CPVL: variants seen among roughly 807,000 people sequenced by gnomAD.
CPVL encodes the protein carboxypeptidase vitellogenic like, also known as probable serine carboxypeptidase CPVL.
CPVL carries 51 observed loss-of-function variants against 63.7 expected under a neutral mutation model. The observed-to-expected ratio is 0.80, with a 90% CI of 0.64 to 1.01. The LOEUF is 1.01. Among genes scored for constraint, CPVL ranks in the 50% least tolerant of loss-of-function variants. CPVL has a pLI of 0.00. For synonymous variants in CPVL, 195 were observed against 206.0 expected, an observed-to-expected ratio of 0.95 and a Z score of 0.46; for missense variants, 530 against 573.1, an observed-to-expected ratio of 0.92 and a Z score of 0.77.
intron 11 of CPVL, among the ~76,000 whole-genome samples, chr7:29,056,629 T>C (rs192641089): frequency 6.2e-4 from 94 of 152,358 alleles, no homozygotes; most frequent in Non-Finnish European, 1.2e-3. Context: ...TGAATAAAGC[T>C]GTTATAAATA....
intron 12 of CPVL, among the ~76,000 whole-genome samples, chr7:29,018,376 A>ATTTT (rs1583999212): frequency 8.3e-6 from 1 of 120,318 alleles, no homozygotes; most frequent in African/African-American, 3.7e-5. Context: ...AAAATTTTTA[A>ATTTT]TCTTTTTTTT....
intron 5 of CPVL, among the ~76,000 whole-genome samples, chr7:29,154,928 T>C (rs1794124697): frequency 6.6e-6 from 1 of 152,226 alleles, no homozygotes; most frequent in Admixed American, 6.5e-5. Flanking sequence ...TCCATGTGGC[T>C]GGGGAAGCCT....
chr7:29,147,404 G>T, upstream of CPVL: 1 of 158,788 alleles, frequency 6.3e-6, no homozygotes, highest in Non-Finnish European at 1.4e-5. Context: ...CAGCCAACCC[G>T]ACAGTCAGGG....
At chr7:28,997,202 G>A (rs757034714) in intron 12 of CPVL, among the ~76,000 whole-genome samples, 2 of 152,208 alleles carry the variant, frequency 1.3e-5, no homozygotes, top group Non-Finnish European at 2.9e-5. Context: ...CCTGGCCTGA[G>A]ATGTCTCGTT....
intron 1 of CPVL, among the ~76,000 whole-genome samples, chr7:29,131,406 G>C (rs1244492201): frequency 2.0e-5 from 3 of 152,298 alleles, no homozygotes; most frequent in Middle Eastern, 6.8e-3. Context: ...GATTCTAAAA[G>C]AGTGACTACT....
intron 1 of CPVL, among the ~76,000 whole-genome samples, chr7:29,145,651 G>A (rs577429763): frequency 6.6e-6 from 1 of 152,230 alleles, no homozygotes; most frequent in South Asian, 2.1e-4. Context: ...CCGTGCTAGG[G>A]AGGCATTTTC....
rs1310022804 is a variant in CPVL at position 28,996,529 on chromosome 7, T to TA, written c.1321-648dup. On this transcript the variant is annotated intron_variant, in intron 12 of 12. Transcript: ENST00000265394. Reference sequence around the variant, plus strand: ...GTTGACAGAATGAGACCCCATCTCTTAAAAAAAAAAACCAAAAAACAAAAA... The same window carrying TA: ...GTTGACAGAATGAGACCCCATCTCTTAAAAAAAAAAAACCAAAAAACAAAAA... Among the ~76,000 whole-genome samples, 234 of 105,928 alleles carry TA rather than the reference T, an allele frequency of 2.2e-3. 1 individual carries two copies. Among genetic ancestry groups the TA allele is most frequent in the East Asian group, 0.017 (59 of 3,532 alleles). 69.5% of individuals were successfully genotyped at this position (105,928 alleles called of 152,430 possible).
upstream of CPVL, chr7:29,195,326 G>C (rs1379002717): frequency 6.5e-6 from 2 of 308,210 alleles, no homozygotes; most frequent in Non-Finnish European, 1.2e-5. Flanking sequence ...TGGCGGGGCG[G>C]AGAAGGTTGG....
intron 5 of CPVL, among the ~76,000 whole-genome samples, chr7:29,179,951 T>G (rs552189124): frequency 2.6e-5 from 4 of 152,242 alleles, no homozygotes; most frequent in Non-Finnish European, 4.4e-5. Context: ...CTAAGCATTC[T>G]ATTGATCTTT....
chr7:29,080,736 A>G (rs1338642915), intron 7 of CPVL, among the ~76,000 whole-genome samples: 1 of 151,386 alleles, frequency 6.6e-6, no homozygotes, highest in African/African-American at 2.4e-5. Flanking sequence ...CACCTAACCC[A>G]ATGGGCCATG....
At chr7:29,169,492 A>G (rs1416954933) in intron 5 of CPVL, among the ~76,000 whole-genome samples, 1 of 152,238 alleles carries the variant, frequency 6.6e-6, no homozygotes, top group Non-Finnish European at 1.5e-5. Flanking sequence ...TGTTAAAAAT[A>G]AATACAACTG....
chr7:29,063,488 T>C (rs1782825895), intron 11 of CPVL, among the ~76,000 whole-genome samples: 1 of 152,222 alleles, frequency 6.6e-6, no homozygotes, highest in Admixed American at 6.5e-5. Flanking sequence ...TCTTCCTTTC[T>C]CAAGAAAGGA....
intron 1 of CPVL, among the ~76,000 whole-genome samples, chr7:29,129,421 G>C (rs943938337): frequency 6.6e-6 from 1 of 151,908 alleles, no homozygotes; most frequent in Non-Finnish European, 1.5e-5. Context: ...TTGAAAATAG[G>C]GTCTTTGCAG....
chr7:29,185,477 A>C (rs1048005080), intron 3 of CPVL: 1 of 152,164 alleles, frequency 6.6e-6, no homozygotes, highest in Non-Finnish European at 1.5e-5. Flanking sequence ...ACCAGAGACA[A>C]TCCCGGCAAA....
chr7:29,120,232 G>C (rs1347178862), intron 2 of CPVL, among the ~76,000 whole-genome samples: 1 of 152,076 alleles, frequency 6.6e-6, no homozygotes. Flanking sequence ...AACTAGCCTG[G>C]CCAACATGGT....
At chr7:29,014,290 CTGTT>C (rs1786169899) in intron 12 of CPVL, among the ~76,000 whole-genome samples, 1 of 152,174 alleles carries the variant, frequency 6.6e-6, no homozygotes, top group Non-Finnish European at 1.5e-5. Flanking sequence ...GATGAAGACT[CTGTT>C]TGCCGATTTC....
chr7:29,079,797 T>C (rs1021132131), intron 7 of CPVL, among the ~76,000 whole-genome samples: 1 of 152,180 alleles, frequency 6.6e-6, no homozygotes, highest in Non-Finnish European at 1.5e-5. Flanking sequence ...ATGTTAGTGC[T>C]TGAAATTACC....
chr7:29,092,861 G>A (rs1245800252), intron 5 of CPVL, among the ~76,000 whole-genome samples, 159 bp from the exon 6 acceptor site: 1 of 152,098 alleles, frequency 6.6e-6, no homozygotes, highest in Non-Finnish European at 1.5e-5. Context: ...CTCCTCCCAG[G>A]AGGATGCTAG....
At chr7:29,014,022 A>G (rs943424608) in intron 12 of CPVL, among the ~76,000 whole-genome samples, 1 of 152,068 alleles carries the variant, frequency 6.6e-6, no homozygotes, top group Non-Finnish European at 1.5e-5. Flanking sequence ...CCTTCCTTCC[A>G]CAGGTGTTGG....
Sources: gnomAD v4.1 joint callset for allele counts (sites outside exome capture counted in the v4.1 genomes callset) on GRCh38, gnomAD v4.1.1 for gene constraint, MANE v1.5 for transcripts, NCBI Gene and HGNC (gene_info 2026-07-23, HGNC 2026-07-21) for gene names.